Variants in CNTRL observed in about 807,000 individuals in gnomAD.
The protein encoded by CNTRL is centriolin.
In CNTRL, 233 loss-of-function variants were observed where a neutral mutation model predicts 303.7. The observed-to-expected ratio is 0.77, with a 90% CI of 0.69 to 0.86. The LOEUF is 0.86. CNTRL is among the 40% of genes least tolerant of loss of function. CNTRL has a pLI of 0.00. For synonymous variants in CNTRL, 900 were observed against 922.2 expected (o/e 0.98, Z 0.44); for missense variants, 2,524 against 2,650.6 (o/e 0.95, Z 1.05).
intron 39 of CNTRL, among the ~76,000 whole-genome samples, chr9:121,170,645 G>A (rs544569016): frequency 2.0e-5 from 3 of 152,024 alleles, no homozygotes; most frequent in South Asian, 2.1e-4. Context: ...TAGTAGAGAC[G>A]GGGTTCACCA....
At chr9:121,143,062 C>T (rs1174807146) in intron 19 of CNTRL, among the ~76,000 whole-genome samples, 1 of 152,114 alleles carries the variant, frequency 6.6e-6, no homozygotes, top group African/African-American at 2.4e-5. Flanking sequence ...ATTGTGGTGT[C>T]ATTATAAACT....
chr9:121,085,878 G>C (rs1017624491), intron 2 of CNTRL, among the ~76,000 whole-genome samples: 2 of 152,190 alleles, frequency 1.3e-5, no homozygotes, highest in Admixed American at 6.5e-5. Context: ...AGTCCTGTTT[G>C]TAGTGCATGG....
rs1437116046 is a variant in CNTRL, at chr9:121,116,187, A to T, written c.1455+987A>T. 2.0e-5 allele frequency among the ~76,000 whole-genome samples: 3 copies of T among 152,208 alleles called. No homozygotes were observed. In the East Asian group the frequency reaches 5.8e-4, roughly 29 times the overall value. ...ACAAAGGCCTCTCTGAAGAGGTGAC[A>T]GGCTAAGATACAAAGGATGAGAAGG... On this transcript the variant is annotated intron_variant, in intron 11 of 43. Coordinates refer to ENST00000373855, the MANE Select transcript of CNTRL (RefSeq NM_007018.6).
In CNTRL at chr9:121,120,829, G is replaced by A. The variant is rs187658315; in HGVS notation, c.1650+2289G>A. 2.6e-3 allele frequency among the ~76,000 whole-genome samples: 399 copies of A among 152,292 alleles called. 3 individuals are homozygous for A. Among genetic ancestry groups the A allele is most frequent in the African/African-American group, 7.6e-3 (318 of 41,570 alleles). ...AGCTAAAATCAACCTGTGCAGTGGG[G>A]ATGAAACATACAAACCAGATTTGAA... On this transcript the variant is annotated intron_variant, in intron 12 of 43. Transcript: ENST00000373855.
chr9:121,115,868 T>G (rs2049952702), intron 11 of CNTRL, among the ~76,000 whole-genome samples: 1 of 152,160 alleles, frequency 6.6e-6, no homozygotes. Context: ...TGTAGATTCT[T>G]TTAAAAGATA....
At position 121,098,471 on chromosome 9, in the gene CNTRL, A is replaced by T; in HGVS notation, c.707A>T (p.Tyr236Phe). The change falls in exon 7 of 44, where the codon TAC becomes TTC. Residue 236 changes from tyrosine to phenylalanine, a missense_variant. By Grantham distance (22) the Tyr-to-Phe change is conservative (BLOSUM62 3). Coordinates refer to ENST00000373855, the MANE Select transcript of CNTRL (RefSeq NM_007018.6). ...AATCCAGTTGTGACCCTTCCTCATT[A>T]CCTCCAGTTTACCATTTTCCACCTC... ...VENPVVTLPH[Y>F]LQFTIFHLRS... 1 of 1,613,714 alleles carries T rather than the reference A, an allele frequency of 6.2e-7. No homozygotes were observed. The highest frequency in any genetic ancestry group is 8.5e-7 in the Non-Finnish European group (1 of 1,179,710).
chr9:121,147,089 G>C (rs2051908737), intron 23 of CNTRL, among the ~76,000 whole-genome samples: 1 of 152,198 alleles, frequency 6.6e-6, no homozygotes, highest in Non-Finnish European at 1.5e-5. Flanking sequence ...TGCAACTGCT[G>C]CCTCCGGGGT....
In CNTRL at chr9:121,142,280, A is replaced by T. The variant is rs375714418; in HGVS notation, c.2871+10A>T. The stretch of plus-strand genomic sequence containing the variant: ...AGAGTTAGAGAAAAAGGTAGGGGAG[A>T]CTTAGAAAATGAGACACATAAGTAC... On this transcript the variant is annotated intron_variant, in intron 19 of 43. Coordinates refer to ENST00000373855, the MANE Select transcript of CNTRL (RefSeq NM_007018.6). 117 of 1,588,438 alleles carry T rather than the reference A, an allele frequency of 7.4e-5. 1 individual carries two copies. In the African/African-American group the frequency reaches 1.5e-3, roughly 20 times the overall value.
chr9:121,075,766 C>A (rs1011878853), intron 1 of CNTRL, among the ~76,000 whole-genome samples: 1 of 152,062 alleles, frequency 6.6e-6, no homozygotes, highest in African/African-American at 2.4e-5. Context: ...GCACTTTGCA[C>A]GTATTAACCT....
At chr9:121,098,332 T>A in intron 6 of CNTRL, 54 bp from the exon 7 acceptor site, 1 of 1,288,660 alleles carries the variant, frequency 7.8e-7, no homozygotes, top group East Asian at 2.4e-5. Context: ...TTCCTTTAAG[T>A]ATGTTATGAT....
At position 121,150,301 on chromosome 9, in the gene CNTRL, G is replaced by T. The variant is rs146512881; in HGVS notation, c.3781G>T (p.Ala1261Ser). 3.7e-6 allele frequency: 6 copies of T among 1,614,002 alleles called. No homozygotes were observed. The highest frequency in any genetic ancestry group is 5.1e-6 in the Non-Finnish European group (6 of 1,180,030). The change falls in exon 25 of 44, where the codon GCC becomes TCC. Residue 1261 changes from alanine (A) to serine (S), a missense_variant. Physicochemically the swap from Ala to Ser is moderately conservative, Grantham distance 99. Coordinates refer to ENST00000373855, the MANE Select transcript of CNTRL (RefSeq NM_007018.6). ...TGGTTCTCCTGTACCCCAGGGCATG[G>T]CCCTGTATGCACCACCTCCTCCCTT... is the stretch of plus-strand genomic sequence containing the variant. ...PDGSPVPQGM[A>S]LYAPPPPLPN...
At chr9:121,123,650 A>G (rs1414533148) in intron 12 of CNTRL, among the ~76,000 whole-genome samples, 3 of 152,066 alleles carry the variant, frequency 2.0e-5, no homozygotes, top group African/African-American at 7.2e-5. Context: ...ATTTAATGCA[A>G]CGCAAATAAC....
chr9:121,081,160 A>G (rs1445798128), intron 2 of CNTRL, among the ~76,000 whole-genome samples: 6 of 152,222 alleles, frequency 3.9e-5, no homozygotes, highest in African/African-American at 1.4e-4. Context: ...TAATTTCTTT[A>G]TGGCCAGCTG....
chr9:121,152,280 T>C, intron 25 of CNTRL: 2 of 552,642 alleles, frequency 3.6e-6, no homozygotes, highest in East Asian at 6.2e-5. Flanking sequence ...CAGTCATAGT[T>C]GGACTGTTTG....
chr9:121,090,257 CT>C lies in CNTRL; in HGVS notation c.218-17del. On this transcript the variant is annotated splice_polypyrimidine_tract_variant and intron_variant, in intron 3 of 43. Coordinates refer to ENST00000373855, the MANE Select transcript of CNTRL (RefSeq NM_007018.6). ...ATGTCTTTCCTCTACTGATGATGAT[CT>C]GTTTCTATAATTTCAGGAGCTGATT... 6.3e-7 allele frequency: 1 copy of C among 1,580,600 alleles called. No homozygotes were observed. The highest frequency in any genetic ancestry group is 8.6e-7 in the Non-Finnish European group (1 of 1,165,852).
Position 121,150,226 on chromosome 9 carries a change from C to A in CNTRL, c.3706C>A (p.Pro1236Thr). 6.2e-7 allele frequency: 1 copy of A among 1,613,704 alleles called. No individual in the cohort carries two copies. Among genetic ancestry groups the A allele is most frequent in the South Asian group, 1.1e-5 (1 of 91,024 alleles). Residue 1236 changes from proline (P) to threonine (T), a missense_variant, in exon 25 of 44, where the codon CCC becomes ACC. By Grantham distance (38) the Pro-to-Thr change is conservative. Coordinates refer to ENST00000373855, the MANE Select transcript of CNTRL (RefSeq NM_007018.6). ...GAGTGAGCTGGATGACCAAGAAGAA[C>A]CCCCATTTGTGCCTCCTCCTGGATA... ...EESELDDQEE[P>T]PFVPPPGYMM...
chr9:121,089,878 T>C lies in CNTRL; in HGVS notation c.218-397T>C, dbSNP rs552887278. Among the ~76,000 whole-genome samples the C allele has an allele frequency of 7.9e-4, 120 of 152,230 alleles. 2 individuals carry two copies. The highest frequency in any genetic ancestry group is 2.7e-3 in the African/African-American group (111 of 41,572). ...AATAATTTCTATCTCAAAGGTTTGT[T>C]GTATAAATTAAATTTTAAAAATGTA... On this transcript the variant is annotated intron_variant, in intron 3 of 43. Coordinates refer to ENST00000373855, the MANE Select transcript of CNTRL (RefSeq NM_007018.6).
At position 121,162,088 on chromosome 9, in the gene CNTRL, C is replaced by T. The variant is rs1009808549; in HGVS notation, c.5240C>T (p.Ser1747Phe). 7 of 1,614,014 alleles carry T rather than the reference C, an allele frequency of 4.3e-6. No individual in the cohort carries two copies. Among genetic ancestry groups the T allele is most frequent in the Non-Finnish European group, 5.1e-6 (6 of 1,180,018 alleles). The change falls in exon 34 of 44, where the codon TCC becomes TTC. Residue 1747 changes from serine (S) to phenylalanine (F), a missense_variant. Transcript: ENST00000373855. ...GAGTTAGAGAATTTGCAGCAGATAT[C>T]CCAGCAGCAGAAAGGGGAAATAGAG... is the stretch of plus-strand genomic sequence containing the variant. ...KLELENLQQI[S>F]QQQKGEIEWQ... is the part of the protein sequence containing the mutation.
chr9:121,112,725 A>T, intron 9 of CNTRL, 147 bp downstream of exon 9: 1 of 834,492 alleles, frequency 1.2e-6, no homozygotes, highest in South Asian at 1.8e-5. Context: ...ATTTTGGTTC[A>T]ATCTATGACT....
Sources: allele counts gnomAD v4.1 joint callset (sites outside exome capture counted in the v4.1 genomes callset), GRCh38; gene constraint gnomAD v4.1.1; transcripts MANE v1.5; gene names NCBI Gene and HGNC (gene_info 2026-07-23, HGNC 2026-07-21).